MBTPS2: variants seen among roughly 807,000 people sequenced by gnomAD.
MBTPS2 encodes membrane-bound transcription factor site-2 protease.
In MBTPS2, 2 loss-of-function variants were observed where a neutral mutation model predicts 35.4. That is an observed-to-expected ratio of 0.06 (90% CI 0.02 to 0.18). The LOEUF is 0.18. Ranked by LOEUF, MBTPS2 falls within the 10% of genes least tolerant of loss-of-function variation. The probability of loss-of-function intolerance (pLI) is 1.00; values close to 1 mark genes in which losing one functional copy is unlikely to be tolerated. For missense variants in MBTPS2, 244 were observed against 386.5 expected (o/e 0.63, Z 3.09); for synonymous variants, 125 against 140.4 (o/e 0.89, Z 0.77).
Position 21,884,946 on chromosome X carries a change from G to A in MBTPS2, c.*2291G>A, listed in dbSNP as rs1250699400. 2.7e-6 allele frequency: 2 copies of A among 752,043 alleles called. No homozygotes were observed. The highest frequency in any genetic ancestry group is 4.6e-5 in the African/African-American group (2 of 43,281). The allele number at this position is 752,043 out of a possible 1,213,427, so 62.0% of individuals were successfully genotyped here. A position where few individuals can be genotyped will look rare whatever the true frequency, so the allele number is the denominator to read the frequency against. On this transcript the variant is annotated 3_prime_UTR_variant, in exon 11 of 11. Transcript: ENST00000379484. Reference sequence around the variant, plus strand: ...ATGGAAAGAATCCACTGTGGTTTCTGTAGAGTGATTGGAAAAATGGATTAT... The same window carrying A: ...ATGGAAAGAATCCACTGTGGTTTCTATAGAGTGATTGGAAAAATGGATTAT...
chrX:21,875,426 C>A (rs2092951992), intron 7 of MBTPS2, among the ~76,000 whole-genome samples: 1 of 111,788 alleles, frequency 8.9e-6, no homozygotes, highest in African/African-American at 3.3e-5. Context: ...TTTGTTTTTT[C>A]TGCATATGAT....
intron 4 of MBTPS2, 38 bp from the exon 5 acceptor site, chrX:21,853,338 A>G (rs1306189908): frequency 4.9e-6 from 5 of 1,018,460 alleles, no homozygotes; most frequent in Non-Finnish European, 6.9e-6. Context: ...TAAATATAAT[A>G]GTATTAGTAA....
At chrX:21,876,564 CAAA>C (rs781386053) in intron 7 of MBTPS2, among the ~76,000 whole-genome samples, 1 of 79,147 alleles carries the variant, frequency 1.3e-5, no homozygotes. Context: ...GACTCTGTCT[CAAA>C]AAAAAAAAAA....
At chrX:21,880,331 A>G (rs1346802934) in intron 9 of MBTPS2, among the ~76,000 whole-genome samples, 1 of 111,396 alleles carries the variant, frequency 9.0e-6, no homozygotes, top group East Asian at 2.8e-4. Flanking sequence ...TTTCTTATCT[A>G]TTAGTTTGAC....
At chrX:21,856,342 C>T (rs893351313) in intron 5 of MBTPS2, 1 of 554,602 alleles carries the variant, frequency 1.8e-6, no homozygotes, top group Non-Finnish European at 2.9e-6. Flanking sequence ...CAGCTCGCGC[C>T]TTTCTCTGCA....
chrX:21,855,728 C>T (rs887003450), intron 5 of MBTPS2, among the ~76,000 whole-genome samples: 1 of 109,906 alleles, frequency 9.1e-6, no homozygotes, highest in African/African-American at 3.3e-5. Context: ...TTGCTGTGCC[C>T]GGCCCAGCTA....
At chrX:21,867,448 A>C (rs2092941519) in intron 5 of MBTPS2, among the ~76,000 whole-genome samples, 1 of 111,468 alleles carries the variant, frequency 9.0e-6, no homozygotes, top group Non-Finnish European at 1.9e-5. Flanking sequence ...TAAGAGATTT[A>C]AATGTAAAAA....
intron 5 of MBTPS2, chrX:21,856,822 A>G: frequency 2.5e-6 from 3 of 1,211,815 alleles, no homozygotes; most frequent in Non-Finnish European, 3.3e-6. Context: ...AGCATTGAAG[A>G]CGAGCACTTC....
chrX:21,857,550 A>G lies in MBTPS2; in HGVS notation c.670+4047A>G, dbSNP rs751210250. On this transcript the variant is annotated intron_variant, in intron 5 of 10. Transcript: ENST00000379484. ...TTGCAACAGGAAGTTCGCTCAGTCA[A>G]CCAACCTGAAAACCCACATATTAAC... is the stretch of plus-strand genomic sequence containing the variant. 1.7e-5 allele frequency: 21 copies of G among 1,210,299 alleles called. No homozygotes were observed. The highest frequency in any genetic ancestry group is 3.0e-5 in the East Asian group (1 of 33,783).
chrX:21,849,374 C>T (rs767972862), intron 3 of MBTPS2, among the ~76,000 whole-genome samples: 1 of 111,583 alleles, frequency 9.0e-6, no homozygotes, highest in East Asian at 2.8e-4. Flanking sequence ...GTAGGCAACT[C>T]GCAGAAGGAC....
intron 2 of MBTPS2, among the ~76,000 whole-genome samples, chrX:21,844,311 G>A (rs1184474564): frequency 2.7e-5 from 3 of 110,389 alleles, no homozygotes; most frequent in Non-Finnish European, 3.8e-5. Context: ...CCAGGAGTTC[G>A]AAACCAGCCT....
At position 21,845,332 on chromosome X, in the gene MBTPS2, C is replaced by T; in HGVS notation, c.386C>T (p.Ser129Phe). 1 of 1,198,511 alleles carries T rather than the reference C, an allele frequency of 8.3e-7. No individual in the cohort carries two copies. The highest frequency in any genetic ancestry group is 1.1e-6 in the Non-Finnish European group (1 of 883,881). ...SSSSSSSSSS[S>F]SSSSSSSLHN... Reference sequence around the variant, plus strand: ...TCCTCCTCTTCTTCCTCTTCCTCTTCTTCATCTTCTTCCTCTTCCTCGCTT... The same window carrying T: ...TCCTCCTCTTCTTCCTCTTCCTCTTTTTCATCTTCTTCCTCTTCCTCGCTT... Residue 129 changes from serine (S) to phenylalanine (F), a missense_variant, in exon 3 of 11, where the codon TCT becomes TTT. Ser to Phe is a radical substitution (Grantham distance 155, BLOSUM62 -2). Transcript: ENST00000379484.
At position 21,868,567 on chromosome X, in the gene MBTPS2, C is replaced by T. The variant is rs1240529481; in HGVS notation, c.771C>T (p.Leu257=). The change falls in exon 6 of 11, where the codon CTC becomes CTT. Residue 257 remains leucine (L), a synonymous_variant. Coordinates refer to ENST00000379484, the MANE Select transcript of MBTPS2 (RefSeq NM_015884.4). The part of the protein sequence containing the change: ...LPFYYTGVGV[L]ITEVAEDSPA... ...TTTACTACACTGGAGTTGGGGTGCT[C>T]ATCACTGAAGTTGCTGAGGTAAATA... 7 of 1,196,356 alleles carry T rather than the reference C, an allele frequency of 5.9e-6. No individual in the cohort carries two copies. The highest frequency in any genetic ancestry group is 7.9e-6 in the Non-Finnish European group (7 of 881,413).
Position 21,878,488 on chromosome X carries a change from T to C in MBTPS2, c.1066-9T>C, listed in dbSNP as rs1305473501. 1 of 1,171,097 alleles carries C rather than the reference T, an allele frequency of 8.5e-7. No individual in the cohort carries two copies. Among genetic ancestry groups the C allele is most frequent in the Non-Finnish European group, 1.2e-6 (1 of 860,080 alleles). On this transcript the variant is annotated splice_polypyrimidine_tract_variant and intron_variant, in intron 8 of 10. Coordinates refer to ENST00000379484, the MANE Select transcript of MBTPS2 (RefSeq NM_015884.4). ...TTTTAATATTGACTGATTAATATTT[T>C]ATTTATAGCATACATGTCTTCCTGC...
rs1448066555 is a variant in MBTPS2, at chrX:21,885,352, G to A, written c.*2697G>A. 19 of 746,970 alleles carry A rather than the reference G, an allele frequency of 2.5e-5. No individual in the cohort carries two copies. Among genetic ancestry groups the A allele is most frequent in the Non-Finnish European group, 3.0e-5 (19 of 633,962 alleles). 61.6% of individuals were successfully genotyped at this position (746,970 alleles called of 1,213,427 possible). A position where few individuals can be genotyped will look rare whatever the true frequency, so the allele number is the denominator to read the frequency against. On this transcript the variant is annotated 3_prime_UTR_variant, in exon 11 of 11. Transcript: ENST00000379484. Reference sequence around the variant, plus strand: ...GTAATTCATTCTTAAGCTTTAACTTGAAGGTATCGTAATTGCCGGCATTTG... The same window carrying A: ...GTAATTCATTCTTAAGCTTTAACTTAAAGGTATCGTAATTGCCGGCATTTG...
Position 21,883,371 on chromosome X carries a change from A to C in MBTPS2, c.*716A>C, listed in dbSNP as rs2092961404. ...TAAAGCAGCACTAGCTTTGACATCC[A>C]CGGTGAGCTGCAGGAAGCATCACAC... On this transcript the variant is annotated 3_prime_UTR_variant, in exon 11 of 11. Coordinates refer to ENST00000379484, the MANE Select transcript of MBTPS2 (RefSeq NM_015884.4). 1 of 753,104 alleles carries C rather than the reference A, an allele frequency of 1.3e-6. No homozygotes were observed. Among genetic ancestry groups the C allele is most frequent in the Non-Finnish European group, 1.6e-6 (1 of 639,648 alleles). 62.1% of individuals were successfully genotyped at this position (753,104 alleles called of 1,213,427 possible).
intron 7 of MBTPS2, among the ~76,000 whole-genome samples, chrX:21,876,923 G>A (rs1247754431): frequency 9.0e-6 from 1 of 111,515 alleles, no homozygotes; most frequent in Non-Finnish European, 1.9e-5. Context: ...GGATAATTTG[G>A]CGCTTGAGTC....
At chrX:21,877,326 C>G (rs972476405) in intron 7 of MBTPS2, among the ~76,000 whole-genome samples, 16 of 111,748 alleles carry the variant, frequency 1.4e-4, no homozygotes, top group Middle Eastern at 4.6e-3. Context: ...CCTGTAGTCC[C>G]AGCTACTCAG....
intron 2 of MBTPS2, among the ~76,000 whole-genome samples, chrX:21,844,114 A>G (rs1192358409): frequency 1.3e-5 from 1 of 75,215 alleles, no homozygotes; most frequent in African/African-American, 7.8e-5. Flanking sequence ...TATCTCAAAT[A>G]AATAAATAAA....
Sources: allele counts gnomAD v4.1 joint callset (sites outside exome capture counted in the v4.1 genomes callset), GRCh38; gene constraint gnomAD v4.1.1; transcripts MANE v1.5; gene names NCBI Gene and HGNC (gene_info 2026-07-23, HGNC 2026-07-21).